The following CPM variants were observed in gnomAD, a reference collection of about 807,000 sequenced individuals.
CPM encodes the protein renal carboxypeptidase.
CPM carries 35 observed loss-of-function variants against 46.4 expected under a neutral mutation model. That is an observed-to-expected ratio of 0.75 (90% CI 0.58 to 1.00). The LOEUF is 1.00. Ranked by LOEUF, CPM falls within the 50% of genes least tolerant of loss-of-function variation. The pLI is 0.00. For missense variants in CPM, 422 were observed against 530.4 expected (o/e 0.80, Z 2.01); for synonymous variants, 195 against 195.3 (o/e 1.00, Z 0.01).
chr12:68,960,795 G>A (rs1397499229), intron 1 of CPM, among the ~76,000 whole-genome samples: 1 of 152,194 alleles, frequency 6.6e-6, no homozygotes, highest in Admixed American at 6.5e-5. Context: ...AGCTGACCCT[G>A]CACAAGCCCT....
chr12:68,937,853 T>C (rs1888696815), upstream of CPM, among the ~76,000 whole-genome samples: 1 of 152,200 alleles, frequency 6.6e-6, no homozygotes, highest in Admixed American at 6.5e-5. Flanking sequence ...GGCATTTTAA[T>C]TTAAAAGCAA....
chr12:68,900,624 A>C (rs1236305042), intron 2 of CPM, among the ~76,000 whole-genome samples: 1 of 152,234 alleles, frequency 6.6e-6, no homozygotes, highest in East Asian at 1.9e-4. Context: ...GAAAGGAACC[A>C]AGAGGTCCTT....
At chr12:68,944,617 C>T (rs1888816182) in intron 1 of CPM, among the ~76,000 whole-genome samples, 1 of 152,018 alleles carries the variant, frequency 6.6e-6, no homozygotes, top group Non-Finnish European at 1.5e-5. Context: ...ACAGGATGGT[C>T]TCAAACTCTT....
chr12:68,942,238 T>C (rs1888777176), intron 1 of CPM, among the ~76,000 whole-genome samples: 2 of 152,166 alleles, frequency 1.3e-5, no homozygotes, highest in East Asian at 3.8e-4. Context: ...CCAAACAGAG[T>C]AGTTCTTTTA....
intron 1 of CPM, chr12:68,957,321 GAA>G (rs10530969): frequency 0.18 from 24,918 of 136,874 alleles, 2,052 homozygotes; most frequent in Middle Eastern, 0.21. Context: ...GTGATTCTCA[GAA>G]AAAAAAAAAA....
chr12:68,928,856 C>CA (rs1888382221), intron 2 of CPM, among the ~76,000 whole-genome samples: 4 of 151,728 alleles, frequency 2.6e-5, no homozygotes, highest in Non-Finnish European at 5.9e-5. Context: ...TCTCCTGCCT[C>CA]AGTTTCCCAA....
At chr12:68,960,520 G>A (rs959274256) in intron 1 of CPM, among the ~76,000 whole-genome samples, 5 of 152,120 alleles carry the variant, frequency 3.3e-5, no homozygotes, top group Non-Finnish European at 7.3e-5. Context: ...TAGCTACGCT[G>A]AATCTTGAAT....
At chr12:68,907,019 G>A (rs775010168) in intron 2 of CPM, among the ~76,000 whole-genome samples, 43 of 152,280 alleles carry the variant, frequency 2.8e-4, no homozygotes, top group East Asian at 1.2e-3. Context: ...CTGAAGGCAC[G>A]CTTCTCCATT....
intron 1 of CPM, among the ~76,000 whole-genome samples, chr12:68,954,484 C>T (rs1290144923): frequency 6.6e-6 from 1 of 152,188 alleles, no homozygotes; most frequent in African/African-American, 2.4e-5. Context: ...TTTTATCTCT[C>T]TCAGGCTCCT....
Position 68,913,948 on chromosome 12 carries a change from C to T in CPM, c.160+18730G>A, listed in dbSNP as rs1332898126. 38 of 718,250 alleles carry T rather than the reference C, an allele frequency of 5.3e-5. No homozygotes were observed. In the Admixed American group the frequency reaches 6.4e-4, roughly 12 times the overall value. 44.5% of individuals were successfully genotyped at this position (718,250 alleles called of 1,614,324 possible). ...TCACATGACCTGTGCTACAGATACA[C>T]AGAATATCAAATTTGTGTTTGATGC... is the stretch of plus-strand genomic sequence containing the variant. On this transcript the variant is annotated intron_variant, in intron 2 of 8. Transcript: ENST00000551568.
intron 1 of CPM, chr12:68,957,655 C>T (rs4913302): frequency 0.33 from 50,698 of 152,826 alleles, 8,506 homozygotes; most frequent in South Asian, 0.44. Flanking sequence ...AGCCATGACT[C>T]CTCTTTTAAT....
chr12:68,896,965 T>C lies in CPM; in HGVS notation c.161-11076A>G, dbSNP rs140758517. Among the ~76,000 whole-genome samples, 878 of 152,086 alleles carry C rather than the reference T, an allele frequency of 5.8e-3. 14 individuals are homozygous for C. Among genetic ancestry groups the C allele is most frequent in the African/African-American group, 0.019 (808 of 41,490 alleles). Reference sequence around the variant, plus strand: ...AGCTGCATTGGGTTGCAATAAATTTTCTTTTTTTTCTTCAAGACAGTCAAG... The same window carrying C: ...AGCTGCATTGGGTTGCAATAAATTTCCTTTTTTTTCTTCAAGACAGTCAAG... On this transcript the variant is annotated intron_variant, in intron 2 of 8. Transcript: ENST00000551568.
At chr12:68,956,418 C>G (rs558860519) in intron 1 of CPM, among the ~76,000 whole-genome samples, 32 of 152,308 alleles carry the variant, frequency 2.1e-4, no homozygotes, top group South Asian at 4.1e-4. Flanking sequence ...GTTCCCGGCT[C>G]CCACTGGCTC....
At chr12:68,924,149 T>TAAAA (rs77792212) in intron 2 of CPM, among the ~76,000 whole-genome samples, 18 of 107,656 alleles carry the variant, frequency 1.7e-4, no homozygotes, top group African/African-American at 6.1e-4. Context: ...TGTCTCTACT[T>TAAAA]AAAAAAAAAA....
chr12:68,885,031 C>T (rs1886369920), intron 3 of CPM, among the ~76,000 whole-genome samples: 1 of 152,180 alleles, frequency 6.6e-6, no homozygotes, highest in African/African-American at 2.4e-5. Context: ...GCAGCCTCCA[C>T]CTCCTGGGTT....
At position 68,856,371 on chromosome 12, in the gene CPM, G is replaced by A; in HGVS notation, c.*66C>T. The A allele has an allele frequency of 6.5e-7, 1 of 1,541,852 alleles. No homozygotes were observed. The highest frequency in any genetic ancestry group is 1.4e-5 in the African/African-American group (1 of 73,034). On this transcript the variant is annotated 3_prime_UTR_variant, in exon 9 of 9. Transcript: ENST00000551568. ...GGTCCCACTAGAGTGAGTTAGGGTTGCAGTAACCTGGAGTGAGCAATCCCT... is the reference window on the plus strand; with the variant it reads ...GGTCCCACTAGAGTGAGTTAGGGTTACAGTAACCTGGAGTGAGCAATCCCT...
At chr12:68,922,301 G>C (rs1387600541) in intron 2 of CPM, among the ~76,000 whole-genome samples, 1 of 152,198 alleles carries the variant, frequency 6.6e-6, no homozygotes, top group Non-Finnish European at 1.5e-5. Flanking sequence ...TGGGAAAGGA[G>C]GCTTAGTTAT....
chr12:68,865,410 A>C (rs1373940112), intron 7 of CPM, among the ~76,000 whole-genome samples: 1 of 152,206 alleles, frequency 6.6e-6, no homozygotes, highest in Non-Finnish European at 1.5e-5. Context: ...GAAAGAGGGC[A>C]GGGGCATCCC....
intron 7 of CPM, among the ~76,000 whole-genome samples, chr12:68,859,645 T>C (rs1885123435): frequency 6.6e-6 from 1 of 152,172 alleles, no homozygotes; most frequent in South Asian, 2.1e-4. Context: ...CATTTTCTCA[T>C]TAAATTCTCA....
Sources: allele counts gnomAD v4.1 joint callset (sites outside exome capture counted in the v4.1 genomes callset), GRCh38; gene constraint gnomAD v4.1.1; transcripts MANE v1.5; gene names NCBI Gene and HGNC (gene_info 2026-07-23, HGNC 2026-07-21).